TMEM131L: variants seen among roughly 807,000 people sequenced by gnomAD.
The protein encoded by TMEM131L is transmembrane protein 131-like.
A neutral mutation model predicts 192.2 loss-of-function variants in TMEM131L; 54 were observed. The ratio of observed to expected loss-of-function variants is 0.28; its 90% confidence interval spans 0.23 to 0.35. The LOEUF is 0.35. Ranked by LOEUF, TMEM131L falls within the 10% of genes least tolerant of loss-of-function variation. The pLI, the probability that TMEM131L is intolerant of heterozygous loss-of-function variation, is 1.00. For synonymous variants in TMEM131L, 701 were observed against 704.9 expected (o/e 0.99, Z 0.09); for missense variants, 1,888 against 1,972.9 (o/e 0.96, Z 0.82).
chr4:153,599,987 A>G (rs1386861153), intron 21 of TMEM131L, among the ~76,000 whole-genome samples: 1 of 152,202 alleles, frequency 6.6e-6, no homozygotes, highest in Non-Finnish European at 1.5e-5. Flanking sequence ...GCAGTGAGCC[A>G]AGATCGTGCC....
intron 3 of TMEM131L, among the ~76,000 whole-genome samples, chr4:153,491,447 G>C (rs1029171364): frequency 6.6e-6 from 1 of 152,008 alleles, no homozygotes; most frequent in Admixed American, 6.6e-5. Flanking sequence ...CTAGTCTTTC[G>C]TATTACTGTT....
intron 4 of TMEM131L, chr4:153,554,123 A>G (rs1737830522): frequency 6.6e-6 from 1 of 152,188 alleles, no homozygotes; most frequent in Non-Finnish European, 1.5e-5. Flanking sequence ...ATAAGTATTA[A>G]TAACTTTGAT....
intron 20 of TMEM131L, among the ~76,000 whole-genome samples, chr4:153,597,714 C>A (rs775799697): frequency 6.6e-6 from 1 of 152,158 alleles, no homozygotes; most frequent in Non-Finnish European, 1.5e-5. Flanking sequence ...GGACAGATCA[C>A]CTGAGCCCAG....
intron 26 of TMEM131L, among the ~76,000 whole-genome samples, chr4:153,618,723 C>G (rs1430341804): frequency 6.6e-6 from 1 of 152,106 alleles, no homozygotes; most frequent in Non-Finnish European, 1.5e-5. Flanking sequence ...CTAATTGCAG[C>G]TCCATGTGAC....
At chr4:153,597,857 T>C (rs1485649814) in intron 20 of TMEM131L, among the ~76,000 whole-genome samples, 2 of 152,038 alleles carry the variant, frequency 1.3e-5, no homozygotes, top group Admixed American at 1.3e-4. Flanking sequence ...TGCGTGAGCC[T>C]GGGAGGTTGA....
At chr4:153,613,466 G>A (rs1732770770) in intron 26 of TMEM131L, among the ~76,000 whole-genome samples, 1 of 152,156 alleles carries the variant, frequency 6.6e-6, no homozygotes. Flanking sequence ...CATGAAACGT[G>A]TAGTTTAAAA....
intron 26 of TMEM131L, 58 bp downstream of exon 26, chr4:153,612,458 A>G: frequency 7.7e-7 from 1 of 1,298,242 alleles, no homozygotes; most frequent in Non-Finnish European, 1.1e-6. Context: ...ACTGTGTATT[A>G]AGTGAATATG....
chr4:153,564,201 A>G (rs1729036963), intron 7 of TMEM131L, among the ~76,000 whole-genome samples: 1 of 144,096 alleles, frequency 6.9e-6, no homozygotes, highest in African/African-American at 2.5e-5. Context: ...AGGCAGGAGA[A>G]TTGCTTGAAC....
intron 7 of TMEM131L, among the ~76,000 whole-genome samples, chr4:153,577,828 A>G (rs1730060388): frequency 6.6e-6 from 1 of 152,190 alleles, no homozygotes; most frequent in African/African-American, 2.4e-5. Context: ...TAATGGTGCT[A>G]AGATGAGGCA....
intron 7 of TMEM131L, among the ~76,000 whole-genome samples, chr4:153,577,069 C>G (rs1730000001): frequency 6.6e-6 from 1 of 152,020 alleles, no homozygotes; most frequent in Non-Finnish European, 1.5e-5. Flanking sequence ...GGTATTTAAG[C>G]CAGGACATGA....
chr4:153,521,840 T>C (rs1561154909), intron 3 of TMEM131L, among the ~76,000 whole-genome samples: 3 of 146,592 alleles, frequency 2.0e-5, no homozygotes, highest in South Asian at 4.4e-4. Context: ...GATTTATCCA[T>C]GTTGTTGCAT....
chr4:153,633,960 GT>G (rs1734397876), intron 32 of TMEM131L, among the ~76,000 whole-genome samples: 1 of 152,204 alleles, frequency 6.6e-6, no homozygotes, highest in South Asian at 2.1e-4. Flanking sequence ...AACAAGCATA[GT>G]TAAAAACAAG....
Position 153,602,206 on chromosome 4 carries a change from A to T in TMEM131L, c.2321A>T (p.Asn774Ile), listed in dbSNP as rs1367303312. 6.2e-7 allele frequency: 1 copy of T among 1,612,324 alleles called. No homozygotes were observed. Among genetic ancestry groups the T allele is most frequent in the East Asian group, 2.2e-5 (1 of 44,854 alleles). ...ATTACAAAGAACTTTAAAGTTGAGA[A>T]TATTGGACCTCTTCCTATAACTGTT... ...LSITKNFKVE[N>I]IGPLPITVSS... is the part of the protein sequence containing the mutation. The change falls in exon 22 of 35, where the codon AAT becomes ATT. Residue 774 changes from asparagine (N) to isoleucine (I), a missense_variant. Physicochemically the swap from Asn to Ile is moderately radical, Grantham distance 149. Coordinates refer to ENST00000409959, the MANE Select transcript of TMEM131L (RefSeq NM_001131007.2).
chr4:153,611,899 G>A (rs1732642424), intron 25 of TMEM131L, among the ~76,000 whole-genome samples: 1 of 152,148 alleles, frequency 6.6e-6, no homozygotes. Flanking sequence ...GAGTCATGCT[G>A]AATGGTATTC....
chr4:153,570,046 C>T (rs1729480747), intron 7 of TMEM131L, among the ~76,000 whole-genome samples: 1 of 152,028 alleles, frequency 6.6e-6, no homozygotes, highest in Non-Finnish European at 1.5e-5. Flanking sequence ...CAGAAGTTCT[C>T]CATGCCTCTG....
intron 25 of TMEM131L, among the ~76,000 whole-genome samples, chr4:153,610,436 T>C (rs984233523): frequency 6.6e-6 from 1 of 152,216 alleles, no homozygotes; most frequent in Non-Finnish European, 1.5e-5. Context: ...TTATTTTCTG[T>C]ATTCATTTTG....
At chr4:153,627,082 G>A (rs1366470329) in intron 30 of TMEM131L, among the ~76,000 whole-genome samples, 1 of 152,166 alleles carries the variant, frequency 6.6e-6, no homozygotes, top group Non-Finnish European at 1.5e-5. Context: ...GCAGTTAAGA[G>A]GGTGAGTTTG....
chr4:153,534,616 G>C (rs1239951731), intron 3 of TMEM131L, among the ~76,000 whole-genome samples: 2 of 152,102 alleles, frequency 1.3e-5, no homozygotes, highest in African/African-American at 4.8e-5. Context: ...TGTATTTTTA[G>C]TAGAGACGGG....
At chr4:153,466,590 C>T in intron 1 of TMEM131L, 69 bp downstream of exon 1, 1 of 1,239,856 alleles carries the variant, frequency 8.1e-7, no homozygotes, top group Non-Finnish European at 1.0e-6. Context: ...TAGGGAACTG[C>T]TGAAATCTAT....
Sources: gnomAD v4.1 joint callset for allele counts (sites outside exome capture counted in the v4.1 genomes callset) on GRCh38, gnomAD v4.1.1 for gene constraint, MANE v1.5 for transcripts, NCBI Gene and HGNC (gene_info 2026-07-23, HGNC 2026-07-21) for gene names.